PLXDC2: variants seen among roughly 807,000 people sequenced by gnomAD.
PLXDC2 encodes plexin domain containing 2.
Under a neutral mutation model 68.9 loss-of-function variants are expected in PLXDC2, and 40 were observed. That is an observed-to-expected ratio of 0.58 (90% CI 0.45 to 0.76). The LOEUF is 0.76. Ranked by LOEUF, PLXDC2 falls within the 30% of genes least tolerant of loss-of-function variation. The pLI is 0.00. For synonymous variants in PLXDC2, 243 were observed against 234.2 expected (o/e 1.04, Z -0.34); for missense variants, 644 against 661.9 (o/e 0.97, Z 0.30).
At chr10:20,215,434 A>G (rs899111135) in intron 10 of PLXDC2, among the ~76,000 whole-genome samples, 1 of 152,030 alleles carries the variant, frequency 6.6e-6, no homozygotes, top group East Asian at 1.9e-4. Context: ...GAGGGAAAGC[A>G]GTATAATGTC....
chr10:19,859,515 A>T (rs1234691469), intron 1 of PLXDC2, among the ~76,000 whole-genome samples: 2 of 152,264 alleles, frequency 1.3e-5, no homozygotes, highest in African/African-American at 4.8e-5. Context: ...TAATATGCAA[A>T]TAATATGTAA....
chr10:20,189,740 T>G (rs563112404), intron 9 of PLXDC2, among the ~76,000 whole-genome samples: 21 of 151,346 alleles, frequency 1.4e-4, no homozygotes, highest in Non-Finnish European at 2.1e-4. Flanking sequence ...TTCTTGTCTT[T>G]TTTCAAAATA....
At chr10:19,939,671 T>C (rs944542009) in intron 1 of PLXDC2, among the ~76,000 whole-genome samples, 10 of 152,148 alleles carry the variant, frequency 6.6e-5, no homozygotes, top group Non-Finnish European at 1.2e-4. Flanking sequence ...AAATGTCATG[T>C]GATGATGTAT....
At chr10:20,243,096 G>T (rs1394036452) in intron 12 of PLXDC2, among the ~76,000 whole-genome samples, 2 of 152,096 alleles carry the variant, frequency 1.3e-5, no homozygotes, top group African/African-American at 4.8e-5. Flanking sequence ...TTTCCTAGAA[G>T]AACTCACAAC....
At chr10:20,008,067 C>T (rs535752455) in intron 2 of PLXDC2, among the ~76,000 whole-genome samples, 4 of 152,194 alleles carry the variant, frequency 2.6e-5, no homozygotes, top group South Asian at 2.1e-4. Flanking sequence ...CTTTGATCTT[C>T]GGCTATCACA....
chr10:20,194,149 A>G (rs1834805436), intron 9 of PLXDC2, among the ~76,000 whole-genome samples: 1 of 149,238 alleles, frequency 6.7e-6, no homozygotes, highest in South Asian at 2.1e-4. Flanking sequence ...ATTTTTAAGC[A>G]TTGTTATTAA....
At position 20,281,112 on chromosome 10, in the gene PLXDC2, G is replaced by A. The variant is rs1836076914; in HGVS notation, c.*1293G>A. 1 of 152,034 alleles carries A rather than the reference G, an allele frequency of 6.6e-6. No individual in the cohort carries two copies. The highest frequency in any genetic ancestry group is 2.4e-5 in the African/African-American group (1 of 41,414). The allele number at this position is 152,034 out of a possible 1,614,324, so 9.4% of individuals were successfully genotyped here. A position where few individuals can be genotyped will look rare whatever the true frequency, so the allele number is the denominator to read the frequency against. On this transcript the variant is annotated 3_prime_UTR_variant, in exon 14 of 14. Coordinates refer to ENST00000377252, the MANE Select transcript of PLXDC2 (RefSeq NM_032812.9). ...TTCAGTTCATTGCCGCGCCCATCATGTTCTTGACTATTTGATCCACTTTTT... is the reference window on the plus strand; with the variant it reads ...TTCAGTTCATTGCCGCGCCCATCATATTCTTGACTATTTGATCCACTTTTT...
intron 4 of PLXDC2, among the ~76,000 whole-genome samples, chr10:20,070,548 T>C (rs1442017542): frequency 1.3e-5 from 2 of 152,184 alleles, no homozygotes; most frequent in African/African-American, 4.8e-5. Flanking sequence ...GTGCCAGGCA[T>C]TTAATTAATT....
intron 2 of PLXDC2, chr10:20,043,535 T>C (rs1219198822): frequency 6.6e-6 from 1 of 152,162 alleles, no homozygotes; most frequent in Admixed American, 6.6e-5. Context: ...TAAATGCTGA[T>C]TTCAAAAATT....
At chr10:20,128,211 A>G (rs1833818270) in intron 4 of PLXDC2, among the ~76,000 whole-genome samples, 3 of 152,310 alleles carry the variant, frequency 2.0e-5, no homozygotes, top group Admixed American at 6.5e-5. Flanking sequence ...TCTCTCACCC[A>G]TAATTTGGCT....
intron 1 of PLXDC2, among the ~76,000 whole-genome samples, chr10:19,825,595 C>T (rs974794610): frequency 1.3e-5 from 2 of 152,048 alleles, no homozygotes; most frequent in African/African-American, 4.8e-5. Context: ...TAACTCCTAC[C>T]ATTTTCTGTC....
At chr10:20,033,148 GTTGTGCACA>G (rs1460284556) in intron 2 of PLXDC2, among the ~76,000 whole-genome samples, 2 of 151,402 alleles carry the variant, frequency 1.3e-5, no homozygotes, top group African/African-American at 4.9e-5. Context: ...AAACCTGCAC[GTTGTGCACA>G]TGTACCCTAG....
At chr10:20,056,278 A>G (rs919600231) in intron 3 of PLXDC2, among the ~76,000 whole-genome samples, 1 of 152,188 alleles carries the variant, frequency 6.6e-6, no homozygotes. Context: ...TGTCCCAAGT[A>G]TTATTCCAGG....
intron 7 of PLXDC2, among the ~76,000 whole-genome samples, chr10:20,172,756 T>A (rs1564341525): frequency 6.6e-6 from 1 of 152,186 alleles, no homozygotes; most frequent in Non-Finnish European, 1.5e-5. Context: ...TTTATTTCCT[T>A]CATGCTTACT....
intron 4 of PLXDC2, among the ~76,000 whole-genome samples, chr10:20,109,696 G>GT (rs1449955280): frequency 3.3e-5 from 5 of 152,084 alleles, no homozygotes; most frequent in Non-Finnish European, 5.9e-5. Flanking sequence ...AGGTTTAAAT[G>GT]TTTTTTTAAC....
At chr10:19,922,767 T>C (rs942771141) in intron 1 of PLXDC2, among the ~76,000 whole-genome samples, 2 of 152,194 alleles carry the variant, frequency 1.3e-5, no homozygotes, top group Non-Finnish European at 2.9e-5. Context: ...TGAAAGCTTA[T>C]AAAGTTGGTC....
chr10:19,965,655 C>T (rs1834234693), intron 1 of PLXDC2, among the ~76,000 whole-genome samples: 2 of 149,682 alleles, frequency 1.3e-5, no homozygotes, highest in African/African-American at 4.9e-5. Context: ...CTTATTGTTG[C>T]ATGTACTTGA....
intron 1 of PLXDC2, among the ~76,000 whole-genome samples, chr10:19,968,369 G>GCCTCCC (rs1475431475): frequency 6.6e-6 from 1 of 152,182 alleles, no homozygotes; most frequent in African/African-American, 2.4e-5. Context: ...CTGGAGTGCA[G>GCCTCCC]TGGCACGATC....
chr10:20,150,494 A>C (rs1012699), intron 6 of PLXDC2, among the ~76,000 whole-genome samples: 35,030 of 152,088 alleles, frequency 0.23, 5,097 homozygotes, highest in East Asian at 0.51. Context: ...AGAGCCCACT[A>C]TATTTTTATG....
Sources: allele counts gnomAD v4.1 joint callset (sites outside exome capture counted in the v4.1 genomes callset), GRCh38; gene constraint gnomAD v4.1.1; transcripts MANE v1.5; gene names NCBI Gene and HGNC (gene_info 2026-07-23, HGNC 2026-07-21).